MEGF11: variants seen among roughly 807,000 people sequenced by gnomAD.
The protein encoded by MEGF11 is multiple EGF like domains 11.
MEGF11 carries 126 observed loss-of-function variants against 146.6 expected under a neutral mutation model. That is an observed-to-expected ratio of 0.86 (90% CI 0.74 to 1.00). MEGF11 has a LOEUF of 1.00. MEGF11 is among the 50% of genes least tolerant of loss of function. The pLI is 0.00. For synonymous variants in MEGF11, 532 were observed against 583.4 expected (o/e 0.91, Z 1.27); for missense variants, 1,509 against 1,521.2 (o/e 0.99, Z 0.13).
At chr15:66,100,406 C>T (rs897029558) in intron 4 of MEGF11, among the ~76,000 whole-genome samples, 4 of 152,154 alleles carry the variant, frequency 2.6e-5, no homozygotes, top group African/African-American at 7.2e-5. Flanking sequence ...GGACAAGGGC[C>T]GCACTTCAAT....
chr15:66,242,758 C>T (rs1172030017), intron 1 of MEGF11, among the ~76,000 whole-genome samples: 1 of 152,168 alleles, frequency 6.6e-6, no homozygotes, highest in Non-Finnish European at 1.5e-5. Context: ...AGGTCCTCTC[C>T]CACCTGGCTT....
chr15:66,046,409 G>A (rs942500166), intron 5 of MEGF11, among the ~76,000 whole-genome samples: 3 of 152,212 alleles, frequency 2.0e-5, no homozygotes, highest in African/African-American at 7.2e-5. Context: ...TACCCAGGCT[G>A]CATGCAGTGT....
intron 1 of MEGF11, among the ~76,000 whole-genome samples, chr15:66,223,931 G>T (rs1442922314): frequency 1.3e-5 from 2 of 152,112 alleles, no homozygotes; most frequent in African/African-American, 4.8e-5. Context: ...GCTGAGTGTT[G>T]GGTATTCTTC....
intron 5 of MEGF11, among the ~76,000 whole-genome samples, chr15:66,080,047 GAGA>G (rs1292861128): frequency 3.9e-5 from 6 of 152,226 alleles, no homozygotes; most frequent in Non-Finnish European, 5.9e-5. Flanking sequence ...ACATCTCAAA[GAGA>G]AGGAGACAGA....
At chr15:65,977,968 G>C (rs2081507269) in intron 7 of MEGF11, among the ~76,000 whole-genome samples, 2 of 152,186 alleles carry the variant, frequency 1.3e-5, no homozygotes, top group Non-Finnish European at 2.9e-5. Context: ...AATTCCCCAG[G>C]CTCTTTGCAA....
chr15:65,960,620 G>A (rs937400013), intron 9 of MEGF11, among the ~76,000 whole-genome samples: 30 of 152,242 alleles, frequency 2.0e-4, no homozygotes, highest in African/African-American at 6.8e-4. Context: ...GGCAGGTCTT[G>A]GCTGCAGCCA....
intron 1 of MEGF11, among the ~76,000 whole-genome samples, chr15:66,170,988 C>A (rs1449682019): frequency 6.6e-6 from 1 of 152,228 alleles, no homozygotes; most frequent in African/African-American, 2.4e-5. Flanking sequence ...GACGCCATGT[C>A]CTCGCTCAGC....
intron 5 of MEGF11, among the ~76,000 whole-genome samples, chr15:66,039,450 C>G (rs530005577): frequency 8.5e-5 from 13 of 152,208 alleles, no homozygotes; most frequent in Admixed American, 3.3e-4. Context: ...CATTTGCTCT[C>G]TAATGTGCTG....
At position 65,928,416 on chromosome 15, in the gene MEGF11, G is replaced by A. The variant is rs2079449752; in HGVS notation, c.1675+9C>T. On this transcript the variant is annotated intron_variant, in intron 13 of 25. Coordinates refer to ENST00000395614, the MANE Select transcript of MEGF11 (RefSeq NM_001385028.1). ...GTACCTGGGTGGTGGCACAGCAAGG[G>A]AAGGTTACCTGTCCATCCGGCCAGG... The A allele has an allele frequency of 1.3e-6, 2 of 1,575,452 alleles. No individual in the cohort carries two copies. Among genetic ancestry groups the A allele is most frequent in the Non-Finnish European group, 1.7e-6 (2 of 1,155,452 alleles).
chr15:66,020,469 C>T (rs535645569), intron 5 of MEGF11, among the ~76,000 whole-genome samples: 3 of 152,344 alleles, frequency 2.0e-5, no homozygotes, highest in African/African-American at 7.2e-5. Context: ...TTTCCAGTTA[C>T]AAGAGGCAAC....
At chr15:65,929,585 C>T (rs1340462252) in intron 12 of MEGF11, 135 bp downstream of exon 12, 3 of 1,090,410 alleles carry the variant, frequency 2.8e-6, no homozygotes, top group Non-Finnish European at 3.9e-6. Context: ...AGGACTAGGA[C>T]TGTGACCTAA....
At chr15:66,128,584 G>T (rs1012401935) in intron 1 of MEGF11, among the ~76,000 whole-genome samples, 173 bp from the exon 2 acceptor site, 1 of 152,170 alleles carries the variant, frequency 6.6e-6, no homozygotes, top group Non-Finnish European at 1.5e-5. Context: ...GCCTGAGTCA[G>T]GAAAAAGTCC....
In MEGF11 at chr15:65,904,560, C is replaced by T. The variant is rs945172980; in HGVS notation, c.3055+1525G>A. ...CCCCTACCCTGAGCTCACCCCACAT[C>T]TAATCATCTCCCCAAAAGGACTGTA... is the stretch of plus-strand genomic sequence containing the variant. On this transcript the variant is annotated intron_variant, in intron 24 of 25. Transcript: ENST00000395614. Among the ~76,000 whole-genome samples, 3 of 152,210 alleles carry T rather than the reference C, an allele frequency of 2.0e-5. No homozygotes were observed. The South Asian group carries it at 6.2e-4, about 32-fold the overall frequency.
intron 5 of MEGF11, among the ~76,000 whole-genome samples, chr15:66,051,670 C>A (rs1455919437): frequency 6.6e-6 from 1 of 152,150 alleles, no homozygotes; most frequent in East Asian, 1.9e-4. Context: ...GGGGCTGGAG[C>A]CTTGGGGCAT....
chr15:66,068,405 A>G (rs1436184079), intron 5 of MEGF11, among the ~76,000 whole-genome samples: 1 of 152,190 alleles, frequency 6.6e-6, no homozygotes, highest in African/African-American at 2.4e-5. Context: ...CCACATACCA[A>G]TCGTGCTCTT....
intron 1 of MEGF11, among the ~76,000 whole-genome samples, chr15:66,252,017 A>G (rs1369478401): frequency 9.2e-5 from 14 of 152,190 alleles, no homozygotes; most frequent in Admixed American, 8.5e-4. Flanking sequence ...GAAAGCCTCG[A>G]GCTTTTGGTA....
intron 3 of MEGF11, among the ~76,000 whole-genome samples, chr15:66,120,105 C>G (rs565258965): frequency 6.6e-6 from 1 of 152,164 alleles, no homozygotes; most frequent in African/African-American, 2.4e-5. Context: ...GGATTCAAAC[C>G]TAGCTCACTC....
rs1424153377 is a variant in MEGF11 at position 65,916,635 on chromosome 15, A to G, written c.2215+193T>C. On this transcript the variant is annotated intron_variant, in intron 17 of 25. Coordinates refer to ENST00000395614, the MANE Select transcript of MEGF11 (RefSeq NM_001385028.1). ...ACCTTCCAGGACTTTGGGCTTGTCA[A>G]TCCCCTGAATCCAGTCAGGTCTGGA... The G allele has an allele frequency of 4.9e-6, 5 of 1,019,410 alleles. No individual in the cohort carries two copies. The South Asian group carries it at 5.6e-5, about 11-fold the overall frequency. The allele number at this position is 1,019,410 out of a possible 1,614,324, so 63.1% of individuals were successfully genotyped here. A position where few individuals can be genotyped will look rare whatever the true frequency, so the allele number is the denominator to read the frequency against.
chr15:66,107,449 G>T (rs1597090294), intron 4 of MEGF11, among the ~76,000 whole-genome samples: 1 of 152,320 alleles, frequency 6.6e-6, no homozygotes, highest in Non-Finnish European at 1.5e-5. Flanking sequence ...TGCATGAGGA[G>T]CTCCGTCCCT....
Sources: gnomAD v4.1 joint callset for allele counts (sites outside exome capture counted in the v4.1 genomes callset) on GRCh38, gnomAD v4.1.1 for gene constraint, MANE v1.5 for transcripts, NCBI Gene and HGNC (gene_info 2026-07-23, HGNC 2026-07-21) for gene names.